CACNA1A: variants seen among roughly 807,000 people sequenced by gnomAD.
CACNA1A encodes calcium voltage-gated channel subunit alpha1 A.
CACNA1A carries 57 observed loss-of-function variants against 262.4 expected under a neutral mutation model. That is an observed-to-expected ratio of 0.22 (90% CI 0.18 to 0.27). The LOEUF is 0.27. CACNA1A is among the 10% of genes least tolerant of loss of function. The pLI is 1.00. For synonymous variants in CACNA1A, 1,431 were observed against 1,419.3 expected (o/e 1.01, Z -0.18); for missense variants, 2,526 against 3,562.8 (o/e 0.71, Z 7.41).
At chr19:13,472,345 G>C (rs1164948264) in intron 1 of CACNA1A, among the ~76,000 whole-genome samples, 1 of 151,806 alleles carries the variant, frequency 6.6e-6, no homozygotes, top group Non-Finnish European at 1.5e-5. Flanking sequence ...AATATTATAT[G>C]TTTGTATATA....
At chr19:13,373,687 G>A (rs78533766) in intron 3 of CACNA1A, among the ~76,000 whole-genome samples, 2,962 of 152,278 alleles carry the variant, frequency 0.019, 73 homozygotes, top group East Asian at 0.092. Flanking sequence ...CTTGTTTCAG[G>A]ATCTATTCTG....
intron 31 of CACNA1A, among the ~76,000 whole-genome samples, chr19:13,240,171 CGA>C (rs1381984621): frequency 6.1e-4 from 87 of 143,150 alleles, no homozygotes; most frequent in African/African-American, 2.1e-3. Flanking sequence ...AAAAAAAGAG[CGA>C]GAGAGAGAGA....
At chr19:13,471,685 G>C (rs1001428006) in intron 1 of CACNA1A, among the ~76,000 whole-genome samples, 3 of 152,164 alleles carry the variant, frequency 2.0e-5, no homozygotes, top group African/African-American at 7.2e-5. Context: ...AGGTCACACA[G>C]TGCCTGAATT....
intron 3 of CACNA1A, among the ~76,000 whole-genome samples, chr19:13,441,600 G>A (rs2060721163): frequency 6.6e-6 from 1 of 151,222 alleles, no homozygotes; most frequent in African/African-American, 2.4e-5. Flanking sequence ...GGAGGCGGAG[G>A]CTGCAGTGAG....
chr19:13,271,148 T>C (rs1364966179), intron 24 of CACNA1A, among the ~76,000 whole-genome samples: 5 of 151,392 alleles, frequency 3.3e-5, no homozygotes, highest in African/African-American at 1.2e-4. Context: ...CTTGTATAAC[T>C]TGATATTTAA....
intron 19 of CACNA1A, among the ~76,000 whole-genome samples, chr19:13,297,219 T>C (rs542746367): frequency 1.3e-5 from 2 of 152,200 alleles, no homozygotes; most frequent in Non-Finnish European, 2.9e-5. Context: ...CCCAGAGATA[T>C]GAAGTCACTT....
intron 3 of CACNA1A, among the ~76,000 whole-genome samples, chr19:13,404,779 G>A (rs563819151): frequency 6.6e-6 from 1 of 152,246 alleles, no homozygotes; most frequent in African/African-American, 2.4e-5. Context: ...TGCTAAACGT[G>A]AACCATCCCT....
intron 3 of CACNA1A, among the ~76,000 whole-genome samples, chr19:13,428,689 C>T (rs1181039758): frequency 1.3e-5 from 2 of 152,236 alleles, no homozygotes; most frequent in East Asian, 3.9e-4. Context: ...CCAGAATTTT[C>T]GCCACGTCCA....
intron 3 of CACNA1A, among the ~76,000 whole-genome samples, chr19:13,403,351 A>T (rs2059943882): frequency 6.6e-6 from 1 of 152,128 alleles, no homozygotes; most frequent in Non-Finnish European, 1.5e-5. Flanking sequence ...CCAAGTGATG[A>T]GTTTAAAAAA....
chr19:13,379,324 C>T (rs187326029), intron 3 of CACNA1A, among the ~76,000 whole-genome samples: 4 of 152,074 alleles, frequency 2.6e-5, no homozygotes, highest in Non-Finnish European at 5.9e-5. Flanking sequence ...AGACATAATG[C>T]TATCATGCAC....
intron 31 of CACNA1A, chr19:13,244,936 G>A: frequency 3.7e-6 from 2 of 543,132 alleles, no homozygotes; most frequent in Non-Finnish European, 6.6e-6. Context: ...CCAGGATGCA[G>A]GAAAGCCCAC....
chr19:13,365,069 C>T (rs1409419403), intron 5 of CACNA1A: 4 of 334,110 alleles, frequency 1.2e-5, no homozygotes, highest in Admixed American at 4.4e-5. Context: ...CTCATTCCCC[C>T]GATGGTGCTT....
intron 1 of CACNA1A, among the ~76,000 whole-genome samples, chr19:13,499,574 TCTGTGCTGGAGA>T (rs1237536016): frequency 6.6e-6 from 1 of 152,108 alleles, no homozygotes; most frequent in Non-Finnish European, 1.5e-5. Context: ...GGGGTTTTTC[TCTGTGCTGGAGA>T]CTGTGCTGGC....
At chr19:13,445,538 G>T (rs1034940453) in intron 3 of CACNA1A, among the ~76,000 whole-genome samples, 1 of 152,106 alleles carries the variant, frequency 6.6e-6, no homozygotes, top group Admixed American at 6.6e-5. Context: ...ATGTGAAAGG[G>T]ACAGTGCTAA....
chr19:13,334,756 C>T (rs974221895), intron 7 of CACNA1A, among the ~76,000 whole-genome samples: 12 of 152,086 alleles, frequency 7.9e-5, no homozygotes, highest in South Asian at 6.2e-4. Flanking sequence ...AGAAAAAGGC[C>T]AGGCACAGTG....
chr19:13,368,468 G>A (rs894757964), intron 4 of CACNA1A, among the ~76,000 whole-genome samples: 1 of 149,086 alleles, frequency 6.7e-6, no homozygotes, highest in East Asian at 2.2e-4. Context: ...GAGTAGGTGG[G>A]ACTACAGGCA....
intron 34 of CACNA1A, among the ~76,000 whole-genome samples, chr19:13,232,634 G>C (rs1341712126): frequency 6.6e-6 from 1 of 151,902 alleles, no homozygotes; most frequent in African/African-American, 2.4e-5. Flanking sequence ...GGGAGGCTGA[G>C]GCAGGAAAAT....
chr19:13,328,306 G>A (rs1254313452), intron 10 of CACNA1A, among the ~76,000 whole-genome samples: 1 of 152,172 alleles, frequency 6.6e-6, no homozygotes, highest in African/African-American at 2.4e-5. Flanking sequence ...CTTGACATTT[G>A]CTTACAGGAA....
chr19:13,239,664 G>T (rs79085065), intron 31 of CACNA1A, among the ~76,000 whole-genome samples: 2,386 of 152,282 alleles, frequency 0.016, 61 homozygotes, highest in African/African-American at 0.054. Context: ...GAGGGGCAGA[G>T]GCAGTTGAGA....
Sources: allele counts gnomAD v4.1 joint callset (sites outside exome capture counted in the v4.1 genomes callset), GRCh38; gene constraint gnomAD v4.1.1; transcripts MANE v1.5; gene names NCBI Gene and HGNC (gene_info 2026-07-23, HGNC 2026-07-21).